The following HHLA1 variants were observed in gnomAD, a reference collection of about 807,000 sequenced individuals.
HHLA1 encodes the protein HERV-H LTR-associating protein 1.
In HHLA1, 72 loss-of-function variants were observed where a neutral mutation model predicts 69.9. The ratio of observed to expected loss-of-function variants is 1.03; its 90% CI spans 0.85 to 1.25. The LOEUF is 1.25. Ranked by LOEUF, HHLA1 falls within the 50% of genes most tolerant of loss-of-function variation. The pLI is 0.00. For synonymous variants in HHLA1, 252 were observed against 233.2 expected, an observed-to-expected ratio of 1.08 and a Z score of -0.73; for missense variants, 685 against 642.2, an observed-to-expected ratio of 1.07 and a Z score of -0.72.
At chr8:132,070,202 T>C (rs1316459567) in intron 15 of HHLA1, 3 of 637,920 alleles carry the variant, frequency 4.7e-6, no homozygotes, top group Non-Finnish European at 8.4e-6. Flanking sequence ...TTCATCTATG[T>C]AATTTAGTTC....
chr8:132,084,429 C>T (rs1220952699), intron 10 of HHLA1, among the ~76,000 whole-genome samples: 5 of 25,336 alleles, frequency 2.0e-4, no homozygotes, highest in African/African-American at 6.1e-4. Context: ...GCACTGGGCA[C>T]AGGGACTAGG....
At chr8:132,082,181 A>G (rs1823763607) in intron 10 of HHLA1, among the ~76,000 whole-genome samples, 1 of 152,216 alleles carries the variant, frequency 6.6e-6, no homozygotes, top group African/African-American at 2.4e-5. Context: ...TAGCTGAAGG[A>G]GCCAGGAAGC....
At chr8:132,076,007 G>C in intron 14 of HHLA1, 48 bp downstream of exon 14, 11 of 1,354,056 alleles carry the variant, frequency 8.1e-6, no homozygotes, top group Non-Finnish European at 1.1e-5. Flanking sequence ...ACATGACCTT[G>C]TTCAAAATAA....
In HHLA1 at chr8:132,077,732, T is replaced by G. The variant is rs918184605; in HGVS notation, c.1165A>C (p.Thr389Pro). 3.2e-6 allele frequency: 5 copies of G among 1,551,446 alleles called. No individual in the cohort carries two copies. The highest frequency in any genetic ancestry group is 4.4e-6 in the Non-Finnish European group (5 of 1,146,886). Residue 389 changes from threonine (T) to proline (P), a missense_variant, in exon 12 of 17, where the codon ACC becomes CCC. Thr to Pro is a conservative substitution (Grantham distance 38). Coordinates refer to ENST00000414222, the MANE Select transcript of HHLA1 (RefSeq NM_001145095.3). ...TPGSPSQASP[T>P]LGAFTHGTQT... ...AGTGAGCACCCTCTCTTACCCAAGG[T>G]AGGGCTGGCCTGGGATGGGCTGCCA...
At chr8:132,093,453 T>G (rs569448101) in intron 7 of HHLA1, among the ~76,000 whole-genome samples, 4 of 151,888 alleles carry the variant, frequency 2.6e-5, no homozygotes, top group Non-Finnish European at 4.4e-5. Flanking sequence ...AAAAAGAAAA[T>G]GATCCAGATC....
intron 10 of HHLA1, among the ~76,000 whole-genome samples, chr8:132,082,512 G>T (rs896465269): frequency 6.6e-6 from 1 of 152,084 alleles, no homozygotes. Context: ...GGGAGAGCAC[G>T]TGTGTTTTTA....
chr8:132,070,359 T>C, intron 15 of HHLA1: 3 of 702,112 alleles, frequency 4.3e-6, no homozygotes, highest in South Asian at 1.5e-5. Context: ...TGGTGGATGA[T>C]TGGTAGGGAT....
intron 7 of HHLA1, among the ~76,000 whole-genome samples, chr8:132,091,856 G>A (rs1251823801): frequency 6.6e-6 from 1 of 152,122 alleles, no homozygotes; most frequent in Non-Finnish European, 1.5e-5. Context: ...TTATAATATT[G>A]TTTCCCTGTC....
Position 132,063,078 on chromosome 8 carries a change from T to C in HHLA1, c.*917A>G, listed in dbSNP as rs1436030857. 6.6e-6 allele frequency: 1 copy of C among 152,234 alleles called. No individual in the cohort carries two copies. The highest frequency in any genetic ancestry group is 2.4e-5 in the African/African-American group (1 of 41,412). The allele number at this position is 152,234 out of a possible 1,614,324, so 9.4% of individuals were successfully genotyped here. A position where few individuals can be genotyped will look rare whatever the true frequency, so the allele number is the denominator to read the frequency against. On this transcript the variant is annotated 3_prime_UTR_variant, in exon 17 of 17. Coordinates refer to ENST00000414222, the MANE Select transcript of HHLA1 (RefSeq NM_001145095.3). ...CAAACATCCCCTGGACACCAAAACT[T>C]GGATGAGCTTTCCTGGCTGACAATA...
intron 10 of HHLA1, among the ~76,000 whole-genome samples, chr8:132,081,600 A>G (rs1823753752): frequency 1.3e-5 from 2 of 152,164 alleles, no homozygotes; most frequent in South Asian, 4.1e-4. Context: ...TTAACTGAGG[A>G]ATTATGTCTG....
Position 132,079,810 on chromosome 8 carries a change from G to C in HHLA1, c.833C>G (p.Thr278Arg), listed in dbSNP as rs907286959. The change falls in exon 11 of 17, where the codon ACA (threonine) becomes AGA (arginine). Residue 278 changes from threonine to arginine, a missense_variant. By Grantham distance (71) the Thr-to-Arg change is moderately conservative (BLOSUM62 -1). Transcript: ENST00000414222. ...CCTGCCTGTGTTCAGGGTCTCCTCTGTTTCTGAAGGAGCAGCTGTCTCTGT... is the reference window on the plus strand; with the variant it reads ...CCTGCCTGTGTTCAGGGTCTCCTCTCTTTCTGAAGGAGCAGCTGTCTCTGT... Reference protein sequence around the residue: ...PWTETAAPSETEETLNTGRPP... With the variant: ...PWTETAAPSEREETLNTGRPP... 28 of 1,551,626 alleles carry C rather than the reference G, an allele frequency of 1.8e-5. 1 individual carries two copies. The highest frequency in any genetic ancestry group is 2.4e-5 in the Non-Finnish European group (27 of 1,147,004).
rs1455379017 is a variant in HHLA1, at chr8:132,061,791, T to C, written c.*2204A>G. Reference sequence around the variant, plus strand: ...CCTGGGCCCTGTTTTCCTTCTGCCTTTGCTGCTGTTGTGGCTGATGGTATG... The same window carrying C: ...CCTGGGCCCTGTTTTCCTTCTGCCTCTGCTGCTGTTGTGGCTGATGGTATG... On this transcript the variant is annotated 3_prime_UTR_variant, in exon 17 of 17. Transcript: ENST00000414222. 2 of 152,260 alleles carry C rather than the reference T, an allele frequency of 1.3e-5. No individual in the cohort carries two copies. Among genetic ancestry groups the C allele is most frequent in the African/African-American group, 4.8e-5 (2 of 41,450 alleles). The allele number at this position is 152,260 out of a possible 1,614,324, so 9.4% of individuals were successfully genotyped here.
intron 7 of HHLA1, among the ~76,000 whole-genome samples, chr8:132,095,203 T>C (rs541592048): frequency 5.3e-5 from 8 of 152,370 alleles, no homozygotes; most frequent in African/African-American, 1.9e-4. Context: ...ATTTGAGCAC[T>C]CTCACTCATT....
At chr8:132,077,598 C>T (rs778937566) in intron 12 of HHLA1, 128 bp downstream of exon 12, 354 of 951,752 alleles carry the variant, frequency 3.7e-4, no homozygotes, top group Non-Finnish European at 5.1e-4. Context: ...GAGTTTGCTT[C>T]ATGATCATTA....
At chr8:132,069,255 T>A (rs1823490379) in intron 15 of HHLA1, among the ~76,000 whole-genome samples, 1 of 152,198 alleles carries the variant, frequency 6.6e-6, no homozygotes, top group Non-Finnish European at 1.5e-5. Flanking sequence ...CCCTATTAGT[T>A]ATTTCTCCTG....
intron 8 of HHLA1, among the ~76,000 whole-genome samples, chr8:132,088,488 T>G (rs1212672722): frequency 6.6e-6 from 1 of 152,134 alleles, no homozygotes; most frequent in Non-Finnish European, 1.5e-5. Context: ...CCTGAAAACT[T>G]CTGAATTCCT....
chr8:132,080,476 G>A (rs967644538), intron 10 of HHLA1: 1 of 259,436 alleles, frequency 3.9e-6, no homozygotes, highest in South Asian at 4.2e-5. Flanking sequence ...TTTGAGCCAG[G>A]ATGAGCCAGG....
At chr8:132,073,508 A>G (rs963462231) in intron 14 of HHLA1, among the ~76,000 whole-genome samples, 1 of 152,172 alleles carries the variant, frequency 6.6e-6, no homozygotes, top group Non-Finnish European at 1.5e-5. Flanking sequence ...TCTAATTCTC[A>G]TAAATCTTGT....
At chr8:132,075,655 G>A (rs1335151901) in intron 14 of HHLA1, among the ~76,000 whole-genome samples, 1 of 152,176 alleles carries the variant, frequency 6.6e-6, no homozygotes, top group Non-Finnish European at 1.5e-5. Context: ...CAACAACCCT[G>A]CTCCTTGCAA....
Sources: gnomAD v4.1 joint callset for allele counts (sites outside exome capture counted in the v4.1 genomes callset) on GRCh38, gnomAD v4.1.1 for gene constraint, MANE v1.5 for transcripts, NCBI Gene and HGNC (gene_info 2026-07-23, HGNC 2026-07-21) for gene names.